Variants in TTC29 observed in about 807,000 individuals in gnomAD.
The protein encoded by TTC29 is tetratricopeptide repeat protein 29.
TTC29 carries 49 observed loss-of-function variants against 58.1 expected under a neutral mutation model. The observed-to-expected ratio is 0.84, with a 90% CI of 0.67 to 1.07. The LOEUF (loss-of-function observed/expected upper bound fraction) is 1.07. Among genes scored for constraint, TTC29 ranks in the 50% least tolerant of loss-of-function variants. The probability of loss-of-function intolerance (pLI) is 0.00; values close to 1 mark genes in which losing one functional copy is unlikely to be tolerated. For missense variants in TTC29, 582 were observed against 555.6 expected, an observed-to-expected ratio of 1.05 and a Z score of -0.48; for synonymous variants, 209 against 196.8, an observed-to-expected ratio of 1.06 and a Z score of -0.52.
chr4:146,807,335 GA>G, intron 10 of TTC29, among the ~76,000 whole-genome samples: 1 of 152,090 alleles, frequency 6.6e-6, no homozygotes, highest in Middle Eastern at 3.4e-3. Flanking sequence ...AAGAACTAGA[GA>G]AGCAAGAGCA....
At chr4:146,913,332 A>C (rs1204678630) in intron 4 of TTC29, among the ~76,000 whole-genome samples, 1 of 152,178 alleles carries the variant, frequency 6.6e-6, no homozygotes, top group East Asian at 1.9e-4. Context: ...AGGGTCAGAA[A>C]TCCAGAAAAA....
chr4:146,839,931 C>A (rs578140558), intron 8 of TTC29, among the ~76,000 whole-genome samples: 2 of 152,002 alleles, frequency 1.3e-5, no homozygotes, highest in African/African-American at 4.8e-5. Flanking sequence ...ATGACTCAAA[C>A]GTCATTAACT....
At chr4:146,923,163 T>C (rs1475172456) in intron 4 of TTC29, among the ~76,000 whole-genome samples, 2 of 151,934 alleles carry the variant, frequency 1.3e-5, no homozygotes, top group African/African-American at 4.8e-5. Flanking sequence ...GAGGAAGAGA[T>C]GTTTCTAGGT....
At position 146,833,490 on chromosome 4, in the gene TTC29, A is replaced by G. The variant is rs374537112; in HGVS notation, c.977+316T>C. 6.6e-5 allele frequency among the ~76,000 whole-genome samples: 10 copies of G among 152,272 alleles called. No homozygotes were observed. The Middle Eastern group carries it at 0.01, about 155-fold the overall frequency. On this transcript the variant is annotated intron_variant, in intron 9 of 12. Transcript: ENST00000325106. ...AGCCACAGCCACTGAAGCGTACTAC[A>G]TATTTCTGTGCTGTCTGCTTTCTTA...
intron 11 of TTC29, among the ~76,000 whole-genome samples, chr4:146,793,036 G>A (rs1453492979): frequency 6.6e-6 from 1 of 152,202 alleles, no homozygotes; most frequent in Non-Finnish European, 1.5e-5. Context: ...TAAATGAGGA[G>A]TTGCTTCTTA....
intron 4 of TTC29, among the ~76,000 whole-genome samples, chr4:146,931,188 A>G (rs988545112): frequency 6.6e-6 from 1 of 152,154 alleles, no homozygotes; most frequent in East Asian, 1.9e-4. Flanking sequence ...ACAAAAAAAA[A>G]AGTCCCCTCA....
At chr4:146,924,317 C>A (rs79021851) in intron 4 of TTC29, among the ~76,000 whole-genome samples, 1,878 of 151,664 alleles carry the variant, frequency 0.012, 40 homozygotes, top group African/African-American at 0.043. Context: ...TTGAAGAGTT[C>A]GTGTTGAGTT....
chr4:146,761,808 T>G (rs1320192466), intron 11 of TTC29, among the ~76,000 whole-genome samples: 1 of 151,678 alleles, frequency 6.6e-6, no homozygotes, highest in Admixed American at 6.6e-5. Context: ...ATTAGCTAAT[T>G]AATGATGATT....
intron 10 of TTC29, among the ~76,000 whole-genome samples, chr4:146,813,287 T>C (rs968472098): frequency 6.6e-6 from 1 of 152,220 alleles, no homozygotes; most frequent in Non-Finnish European, 1.5e-5. Context: ...ATGATTTTAT[T>C]AAGGAATGAG....
At chr4:146,859,418 C>A (rs2150196505) in intron 8 of TTC29, among the ~76,000 whole-genome samples, 1 of 152,038 alleles carries the variant, frequency 6.6e-6, no homozygotes, top group African/African-American at 2.4e-5. Context: ...ATACACTTTT[C>A]AAGAATTTCT....
intron 4 of TTC29, among the ~76,000 whole-genome samples, chr4:146,936,167 T>C (rs1388073112): frequency 6.6e-6 from 1 of 152,198 alleles, no homozygotes; most frequent in Non-Finnish European, 1.5e-5. Context: ...AGTGTAATGA[T>C]GAATTTGAAA....
At chr4:146,928,552 G>C (rs552714485) in intron 4 of TTC29, among the ~76,000 whole-genome samples, 1 of 152,304 alleles carries the variant, frequency 6.6e-6, no homozygotes, top group African/African-American at 2.4e-5. Flanking sequence ...TTTCTTGAGT[G>C]CCTACTATGT....
chr4:146,892,997 A>T (rs1732489741), intron 6 of TTC29, among the ~76,000 whole-genome samples: 1 of 152,224 alleles, frequency 6.6e-6, no homozygotes, highest in African/African-American at 2.4e-5. Flanking sequence ...CTCTTTAAGG[A>T]GAACTACAAA....
chr4:146,903,735 A>G lies in TTC29; in HGVS notation c.401-6T>C. ...ATGTACATCTTCGAAGGATTCTTCA[A>G]AGAGAGAAAAGCACCATGAATGGCA... On this transcript the variant is annotated splice_polypyrimidine_tract_variant and splice_region_variant and intron_variant, in intron 5 of 12. Coordinates refer to ENST00000325106, the MANE Select transcript of TTC29 (RefSeq NM_031956.4). 3 of 1,552,986 alleles carry G rather than the reference A, an allele frequency of 1.9e-6. No homozygotes were observed. The highest frequency in any genetic ancestry group is 1.7e-6 in the Non-Finnish European group (2 of 1,148,994).
chr4:146,808,967 T>C (rs915106211), intron 10 of TTC29, among the ~76,000 whole-genome samples: 1 of 151,910 alleles, frequency 6.6e-6, no homozygotes, highest in Non-Finnish European at 1.5e-5. Flanking sequence ...GGAGGCATCA[T>C]GCTACCTGAC....
At chr4:146,912,008 G>A (rs1382329755) in intron 4 of TTC29, among the ~76,000 whole-genome samples, 2 of 152,216 alleles carry the variant, frequency 1.3e-5, no homozygotes, top group Non-Finnish European at 2.9e-5. Context: ...CTAGAAGTCA[G>A]AGGTGTCCAG....
chr4:146,891,650 G>T (rs538179391), intron 6 of TTC29, among the ~76,000 whole-genome samples: 1 of 152,182 alleles, frequency 6.6e-6, no homozygotes, highest in Admixed American at 6.5e-5. Context: ...AGGATTACAG[G>T]GACTTTTGAT....
At chr4:146,750,071 G>A (rs1012356653) in intron 11 of TTC29, among the ~76,000 whole-genome samples, 14 of 152,126 alleles carry the variant, frequency 9.2e-5, no homozygotes, top group East Asian at 1.9e-4. Context: ...ACAGTGGTGC[G>A]ATCTCGGCTC....
intron 6 of TTC29, among the ~76,000 whole-genome samples, chr4:146,899,412 A>C (rs1172892413): frequency 3.3e-5 from 5 of 152,228 alleles, no homozygotes; most frequent in African/African-American, 1.2e-4. Context: ...TGTTTGCATA[A>C]TAAAAACCTT....
Sources: allele counts gnomAD v4.1 joint callset (sites outside exome capture counted in the v4.1 genomes callset), GRCh38; gene constraint gnomAD v4.1.1; transcripts MANE v1.5; gene names NCBI Gene and HGNC (gene_info 2026-07-23, HGNC 2026-07-21).